The following FAM120C variants were observed in gnomAD, a reference collection of about 807,000 sequenced individuals.
FAM120C encodes constitutive coactivator of PPAR-gamma-like protein 2.
A neutral mutation model predicts 71.2 loss-of-function variants in FAM120C; 14 were observed. The ratio of observed to expected loss-of-function variants is 0.20; its 90% CI spans 0.13 to 0.31. The LOEUF (loss-of-function observed/expected upper bound fraction) is 0.31. FAM120C is among the 10% of genes least tolerant of loss of function. FAM120C has a pLI of 1.00. For synonymous variants in FAM120C, 354 were observed against 353.2 expected (o/e 1.00, Z -0.03); for missense variants, 500 against 879.0 (o/e 0.57, Z 5.45).
chrX:54,132,826 C>A lies in FAM120C; in HGVS notation c.1928G>T (p.Cys643Phe), dbSNP rs781860394. 2 of 1,204,789 alleles carry A rather than the reference C, an allele frequency of 1.7e-6. No homozygotes were observed. The highest frequency in any genetic ancestry group is 3.6e-5 in the South Asian group (2 of 55,086). The change falls in exon 9 of 16, where the codon TGT (cysteine) becomes TTT (phenylalanine). Residue 643 changes from cysteine to phenylalanine, a missense_variant. Cys to Phe is a radical substitution (Grantham distance 205). This residue lies in a region of FAM120C where 104 missense variants were observed against 254.5 expected (regional missense o/e 0.41). Coordinates refer to ENST00000375180, the MANE Select transcript of FAM120C (RefSeq NM_017848.6). The stretch of plus-strand genomic sequence containing the variant: ...AGCAGCTGGAGGCAGCTCCATGTTA[C>A]ACTCATCCTCAATACATACGGGGAT... ...IKIPVCIEDE[C>F]NMELPPAALL...
intron 1 of FAM120C, among the ~76,000 whole-genome samples, chrX:54,165,476 G>C (rs1344714562): frequency 1.8e-5 from 2 of 111,441 alleles, no homozygotes; most frequent in Non-Finnish European, 3.8e-5. Flanking sequence ...CTTTAACTAG[G>C]ATAACCATGA....
At chrX:54,128,637 G>A (rs1297667418) in intron 9 of FAM120C, among the ~76,000 whole-genome samples, 1 of 111,519 alleles carries the variant, frequency 9.0e-6, no homozygotes, top group Admixed American at 9.5e-5. Context: ...CAGTGTTTGT[G>A]TCCCTGGGTA....
chrX:54,087,404 T>C (rs1401533890), intron 12 of FAM120C, among the ~76,000 whole-genome samples: 1 of 110,253 alleles, frequency 9.1e-6, no homozygotes, highest in Non-Finnish European at 1.9e-5. Flanking sequence ...AAAAAAAAAT[T>C]GCTTGCAAAA....
At chrX:54,157,649 T>C in intron 3 of FAM120C, 40 bp downstream of exon 3, 1 of 950,950 alleles carries the variant, frequency 1.1e-6, no homozygotes. Context: ...CAAAACCTCA[T>C]ATCCCCTAAT....
At chrX:54,123,432 T>G (rs1321864066) in intron 9 of FAM120C, among the ~76,000 whole-genome samples, 2 of 31,143 alleles carry the variant, frequency 6.4e-5, no homozygotes, top group East Asian at 9.4e-4. Flanking sequence ...TTATTCTTTT[T>G]TCTCTAAACT....
At chrX:54,115,477 A>C (rs2146591648) in intron 10 of FAM120C, among the ~76,000 whole-genome samples, 1 of 112,210 alleles carries the variant, frequency 8.9e-6, no homozygotes, top group African/African-American at 3.2e-5. Flanking sequence ...GAAATGAAAC[A>C]CGTATTGTTC....
At chrX:54,133,040 T>G (rs1222636574) in intron 8 of FAM120C, among the ~76,000 whole-genome samples, 177 bp from the exon 9 acceptor site, 1 of 112,763 alleles carries the variant, frequency 8.9e-6, no homozygotes, top group Admixed American at 9.4e-5. Context: ...AGCCTACTTA[T>G]AAGCTATATT....
In FAM120C at chrX:54,135,510, T is replaced by G; in HGVS notation, c.1335+18A>C. The G allele has an allele frequency of 8.3e-7, 1 of 1,198,512 alleles. No individual in the cohort carries two copies. Among genetic ancestry groups the G allele is most frequent in the Non-Finnish European group, 1.1e-6 (1 of 885,239 alleles). On this transcript the variant is annotated intron_variant, in intron 6 of 15. Transcript: ENST00000375180. ...ACCTGAGTCTAATGCTATCTCAGGC[T>G]TCTTAAAGGATGCTTACCATTGGCT...
chrX:54,172,359 TG>T (rs2067292979), intron 1 of FAM120C, among the ~76,000 whole-genome samples: 1 of 112,505 alleles, frequency 8.9e-6, no homozygotes, highest in Non-Finnish European at 1.9e-5. Flanking sequence ...TATTCAATTG[TG>T]GTGCAAACCA....
At chrX:54,130,860 G>A (rs73479128) in intron 9 of FAM120C, among the ~76,000 whole-genome samples, 3,041 of 111,323 alleles carry the variant, frequency 0.027, 97 homozygotes, top group African/African-American at 0.095. Flanking sequence ...TTTTGTGGTG[G>A]GCTTATAATG....
chrX:54,134,785 G>T (rs202066491), intron 7 of FAM120C, 46 bp downstream of exon 7: 12 of 1,141,227 alleles, frequency 1.1e-5, no homozygotes, highest in Non-Finnish European at 1.2e-5. Context: ...AAATAATACA[G>T]ATGCCTCAGA....
intron 2 of FAM120C, among the ~76,000 whole-genome samples, chrX:54,158,535 G>A (rs894215103): frequency 2.7e-5 from 3 of 112,064 alleles, no homozygotes; most frequent in Admixed American, 9.5e-5. Context: ...TTGGGAGGCC[G>A]AGGCGGGTGG....
At chrX:54,076,167 T>C (rs1163801027) in intron 15 of FAM120C, among the ~76,000 whole-genome samples, 2 of 109,633 alleles carry the variant, frequency 1.8e-5, no homozygotes, top group Non-Finnish European at 3.8e-5. Context: ...GGTGAAACCC[T>C]GTCACTACTA....
chrX:54,142,776 GGACAGAC>G (rs1173278598), intron 4 of FAM120C, among the ~76,000 whole-genome samples: 1 of 112,094 alleles, frequency 8.9e-6, no homozygotes, highest in Non-Finnish European at 1.9e-5. Context: ...ATCTGAGAAT[GGACAGAC>G]TGCCTCCTCA....
At chrX:54,135,894 A>T (rs2067091820) in intron 5 of FAM120C, among the ~76,000 whole-genome samples, 1 of 111,385 alleles carries the variant, frequency 9.0e-6, no homozygotes, top group African/African-American at 3.3e-5. Context: ...AAAGACAGGG[A>T]TATTTTACAT....
chrX:54,081,212 G>A, intron 14 of FAM120C, 110 bp downstream of exon 14: 1 of 766,894 alleles, frequency 1.3e-6, no homozygotes, highest in Admixed American at 3.6e-5. Flanking sequence ...AAAAAGTAAA[G>A]TTAGTACTTC....
rs1403641809 is a variant in FAM120C, at chrX:54,091,400, C to T, written c.2339G>A (p.Arg780Gln). 5 of 1,206,648 alleles carry T rather than the reference C, an allele frequency of 4.1e-6. No homozygotes were observed. Among genetic ancestry groups the T allele is most frequent in the Non-Finnish European group, 5.6e-6 (5 of 892,207 alleles). ...LRYMVQWPGG[R>Q]ILHRHELDTF... Reference sequence around the variant, plus strand: ...GTCTAGCTCATGGCGATGCAGGATTCGGCCACCAGGCCACTGAACCATGTA... The same window carrying T: ...GTCTAGCTCATGGCGATGCAGGATTTGGCCACCAGGCCACTGAACCATGTA... Residue 780 changes from arginine (R) to glutamine (Q), a missense_variant, in exon 11 of 16, where the codon CGA becomes CAA. By Grantham distance (43) the Arg-to-Gln change is conservative. Transcript: ENST00000375180.
chrX:54,124,686 G>A (rs1364673327), intron 9 of FAM120C, among the ~76,000 whole-genome samples: 8 of 108,512 alleles, frequency 7.4e-5, no homozygotes, highest in Non-Finnish European at 1.1e-4. Context: ...CTTCTGCGTC[G>A]CTCACGCTGG....
At chrX:54,135,903 A>G (rs184329367) in intron 5 of FAM120C, among the ~76,000 whole-genome samples, 1 of 111,315 alleles carries the variant, frequency 9.0e-6, no homozygotes, top group Non-Finnish European at 1.9e-5. Flanking sequence ...GATATTTTAC[A>G]TATACCAGGC....
Sources: gnomAD v4.1 joint callset for allele counts (sites outside exome capture counted in the v4.1 genomes callset) on GRCh38, gnomAD v4.1.1 for gene constraint, gnomAD v4.1.1 regional missense constraint, MANE v1.5 for transcripts, NCBI Gene and HGNC (gene_info 2026-07-23, HGNC 2026-07-21) for gene names.